ECHDC3: variants seen among roughly 807,000 people sequenced by gnomAD.
The protein encoded by ECHDC3 is enoyl-CoA hydratase domain-containing protein 3, mitochondrial.
Under a neutral mutation model 17.9 loss-of-function variants are expected in ECHDC3, and 20 were observed. The observed-to-expected ratio is 1.12, with a 90% CI of 0.79 to 1.63. The LOEUF (loss-of-function observed/expected upper bound fraction) is 1.63. ECHDC3 is among the 40% of genes most tolerant of loss of function. The probability of loss-of-function intolerance (pLI) is 0.00; values close to 1 mark genes in which losing one functional copy is unlikely to be tolerated. For missense variants in ECHDC3, 407 were observed against 357.7 expected (o/e 1.14, Z -1.11); for synonymous variants, 177 against 149.7 (o/e 1.18, Z -1.33).
At chr10:11,751,340 A>G (rs1832820473) in intron 3 of ECHDC3, among the ~76,000 whole-genome samples, 1 of 152,220 alleles carries the variant, frequency 6.6e-6, no homozygotes, top group African/African-American at 2.4e-5. Context: ...ACTCCCTGAA[A>G]AAGACTCAGT....
At chr10:11,757,818 G>A (rs1046019813) in intron 4 of ECHDC3, among the ~76,000 whole-genome samples, 1 of 152,194 alleles carries the variant, frequency 6.6e-6, no homozygotes, top group African/African-American at 2.4e-5. Flanking sequence ...TTAGGTTTCT[G>A]GATTTGCAGA....
intron 3 of ECHDC3, among the ~76,000 whole-genome samples, chr10:11,751,230 T>C (rs1230901705): frequency 6.6e-6 from 1 of 152,194 alleles, no homozygotes; most frequent in Non-Finnish European, 1.5e-5. Context: ...CTTCATGAAC[T>C]GGGATCTAAA....
At chr10:11,752,620 T>C (rs1384683612) in intron 3 of ECHDC3, among the ~76,000 whole-genome samples, 2 of 152,178 alleles carry the variant, frequency 1.3e-5, no homozygotes, top group Non-Finnish European at 1.5e-5. Context: ...GATTACAGTA[T>C]AGAATTACGT....
chr10:11,755,343 A>G (rs1486787575), intron 3 of ECHDC3, 65 bp from the exon 4 acceptor site: 8 of 1,116,852 alleles, frequency 7.2e-6, no homozygotes, highest in Admixed American at 2.5e-5. Context: ...AAAAAAAAAA[A>G]GCAATAGGCG....
rs564443329 is a variant in ECHDC3, at chr10:11,755,814, T to C, written c.591+206T>C. 5 of 518,124 alleles carry C rather than the reference T, an allele frequency of 9.7e-6. No homozygotes were observed. The East Asian group carries it at 1.3e-4, about 14-fold the overall frequency. The allele number at this position is 518,124 out of a possible 1,614,324, so 32.1% of individuals were successfully genotyped here. On this transcript the variant is annotated intron_variant, in intron 4 of 4. Coordinates refer to ENST00000379215, the MANE Select transcript of ECHDC3 (RefSeq NM_024693.5). The stretch of plus-strand genomic sequence containing the variant: ...GACCGCCTGCCTGTTCCTCTGTAGC[T>C]TCTGACGCCAGGCGTCAATTTGTGA...
At chr10:11,748,698 C>T (rs995554809) in intron 2 of ECHDC3, among the ~76,000 whole-genome samples, 7 of 152,116 alleles carry the variant, frequency 4.6e-5, no homozygotes, top group African/African-American at 1.4e-4. Context: ...CCAGCCTGGC[C>T]AACGTGGCAA....
intron 1 of ECHDC3, among the ~76,000 whole-genome samples, chr10:11,745,771 TG>T (rs1832752251): frequency 6.6e-6 from 1 of 152,184 alleles, no homozygotes; most frequent in Admixed American, 6.5e-5. Context: ...AATAACAATC[TG>T]GTGTTTGGCT....
intron 3 of ECHDC3, among the ~76,000 whole-genome samples, chr10:11,752,942 T>C (rs1832842807): frequency 6.6e-6 from 1 of 152,258 alleles, no homozygotes; most frequent in Admixed American, 6.5e-5. Flanking sequence ...TAGTTTCCAC[T>C]GCCATTTATT....
chr10:11,755,458 T>C lies in ECHDC3; in HGVS notation c.441T>C (p.Asn147=), dbSNP rs768437603. Residue 147 remains asparagine, a synonymous_variant, in exon 4 of 5, where the codon AAT becomes AAC. Coordinates refer to ENST00000379215, the MANE Select transcript of ECHDC3 (RefSeq NM_024693.5). ...NHPVPVIAMV[N]GLAAAAGCQL... ...CCGTTCCCGTCATTGCCATGGTCAA[T>C]GGCCTGGCCGCGGCTGCCGGCTGTC... The C allele has an allele frequency of 2.5e-6, 4 of 1,614,074 alleles. No individual in the cohort carries two copies. Among genetic ancestry groups the C allele is most frequent in the East Asian group, 4.5e-5 (2 of 44,874 alleles).
In ECHDC3 at chr10:11,747,471, G is replaced by A. The variant is rs761798189; in HGVS notation, c.292+1G>A. 4 of 1,613,370 alleles carry A rather than the reference G, an allele frequency of 2.5e-6. No individual in the cohort carries two copies. The highest frequency in any genetic ancestry group is 3.3e-5 in the Admixed American group (2 of 60,010). On this transcript the variant is annotated splice_donor_variant, in intron 2 of 4. Transcript: ENST00000379215. LOFTEE classifies it high-confidence loss of function. ...GATCTGAAAGTCATTATCATCTCGG[G>A]TATGTATCTGATATCTGTCCTTAGT... is the stretch of plus-strand genomic sequence containing the variant.
intron 3 of ECHDC3, among the ~76,000 whole-genome samples, chr10:11,749,996 A>G (rs1470579111): frequency 2.0e-5 from 3 of 151,810 alleles, no homozygotes; most frequent in Admixed American, 6.6e-5. Context: ...GGGTTTCACC[A>G]TGTTGGCCAG....
chr10:11,749,636 A>G (rs752964581), intron 3 of ECHDC3, 44 bp downstream of exon 3: 2 of 1,585,708 alleles, frequency 1.3e-6, no homozygotes, highest in Non-Finnish European at 8.7e-7. Flanking sequence ...GCAAATGATC[A>G]TTACATTAAA....
At chr10:11,760,709 C>G (rs1266971585) in intron 4 of ECHDC3, among the ~76,000 whole-genome samples, 1 of 152,196 alleles carries the variant, frequency 6.6e-6, no homozygotes, top group Non-Finnish European at 1.5e-5. Flanking sequence ...AGCTGTGACA[C>G]GGTCTCCACC....
At chr10:11,757,977 TG>T (rs1030992132) in intron 4 of ECHDC3, among the ~76,000 whole-genome samples, 1 of 152,012 alleles carries the variant, frequency 6.6e-6, no homozygotes, top group African/African-American at 2.4e-5. Flanking sequence ...CCGAGTATTT[TG>T]GGGGGTGGGT....
intron 4 of ECHDC3, among the ~76,000 whole-genome samples, chr10:11,757,979 G>C (rs982914465): frequency 6.6e-6 from 1 of 152,144 alleles, no homozygotes; most frequent in Non-Finnish European, 1.5e-5. Context: ...GAGTATTTTG[G>C]GGGGTGGGTG....
chr10:11,754,034 G>A (rs1008757093), intron 3 of ECHDC3, among the ~76,000 whole-genome samples: 4 of 152,064 alleles, frequency 2.6e-5, no homozygotes, highest in African/African-American at 7.2e-5. Flanking sequence ...ACCCACCTGT[G>A]TTCTTCTGAG....
intron 1 of ECHDC3, among the ~76,000 whole-genome samples, chr10:11,743,875 G>A (rs1046613220): frequency 1.4e-4 from 22 of 152,254 alleles, no homozygotes; most frequent in African/African-American, 5.3e-4. Flanking sequence ...GGCCGGTCGA[G>A]TTCTCCAGAA....
At chr10:11,759,962 GGTTA>G (rs1832929258) in intron 4 of ECHDC3, among the ~76,000 whole-genome samples, 1 of 152,216 alleles carries the variant, frequency 6.6e-6, no homozygotes, top group Non-Finnish European at 1.5e-5. Flanking sequence ...AAGGTCTTGT[GGTTA>G]GTAAGTGGCA....
intron 1 of ECHDC3, among the ~76,000 whole-genome samples, chr10:11,745,198 C>A (rs951043594): frequency 6.6e-6 from 1 of 152,118 alleles, no homozygotes; most frequent in Admixed American, 6.5e-5. Flanking sequence ...GGAGAGTGGA[C>A]TCTGCAGTTT....
Sources: gnomAD v4.1 joint callset for allele counts (sites outside exome capture counted in the v4.1 genomes callset) on GRCh38, gnomAD v4.1.1 for gene constraint, MANE v1.5 for transcripts, NCBI Gene and HGNC (gene_info 2026-07-23, HGNC 2026-07-21) for gene names.